Variants in OR1J2 observed in about 807,000 individuals in gnomAD.
OR1J2 encodes olfactory receptor 1J2.
For synonymous variants in OR1J2, 142 were observed against 99.7 expected (o/e 1.42, Z -2.52); for missense variants, 304 against 246.1 (o/e 1.24, Z -1.57).
At chr9:122,493,106 T>C in the OR1J2 span, among the ~76,000 whole-genome samples, 6 of 152,272 alleles carry the variant, frequency 3.9e-5, no homozygotes, top group East Asian at 1.2e-3. Context: ...TTTGGTTCAC[T>C]AGTATTTTGT....
At chr9:122,449,616 G>A in the OR1J2 span, among the ~76,000 whole-genome samples, 41 of 152,162 alleles carry the variant, frequency 2.7e-4, no homozygotes, top group African/African-American at 9.1e-4. Flanking sequence ...TGATCCTTCC[G>A]CCTCGGCCTT....
the OR1J2 span, among the ~76,000 whole-genome samples, chr9:122,499,334 A>G: frequency 6.6e-6 from 1 of 152,354 alleles, no homozygotes; most frequent in South Asian, 2.1e-4. Context: ...CAGGAGAGTA[A>G]GGGCTCAGAT....
chr9:122,536,649 A>T, the OR1J2 span, among the ~76,000 whole-genome samples: 1 of 152,048 alleles, frequency 6.6e-6, no homozygotes, highest in African/African-American at 2.4e-5. Flanking sequence ...CTCTTTTGAG[A>T]TGTAAATATT....
chr9:122,490,789 T>A, the OR1J2 span, among the ~76,000 whole-genome samples: 1 of 152,206 alleles, frequency 6.6e-6, no homozygotes, highest in African/African-American at 2.4e-5. Context: ...AGAAGCCATA[T>A]TGAAGAATTT....
downstream of OR1J2, among the ~76,000 whole-genome samples, chr9:122,515,936 C>T (rs988248823): frequency 1.3e-5 from 2 of 152,162 alleles, no homozygotes; most frequent in Non-Finnish European, 2.9e-5. Context: ...GAATATAAGA[C>T]ACTGAGTTTG....
chr9:122,522,821 G>A, the OR1J2 span, among the ~76,000 whole-genome samples: 5 of 152,328 alleles, frequency 3.3e-5, no homozygotes, highest in African/African-American at 1.2e-4. Flanking sequence ...TATTCTGATA[G>A]TGTAGCAACA....
At chr9:122,471,290 G>T in the OR1J2 span, 3 of 152,188 alleles carry the variant, frequency 2.0e-5, no homozygotes, top group Non-Finnish European at 4.4e-5. Context: ...AGTCTCATGA[G>T]ATCTAATGGT....
chr9:122,490,517 G>C, the OR1J2 span, among the ~76,000 whole-genome samples: 3 of 152,264 alleles, frequency 2.0e-5, no homozygotes, highest in African/African-American at 7.2e-5. Flanking sequence ...ACACAGAACA[G>C]CAAGTAGGCT....
chr9:122,574,565 C>G, the OR1J2 span, among the ~76,000 whole-genome samples: 1 of 152,060 alleles, frequency 6.6e-6, no homozygotes, highest in Non-Finnish European at 1.5e-5. Context: ...GCTGTAATTG[C>G]TTATTAGTTC....
chr9:122,479,699 A>G, the OR1J2 span, among the ~76,000 whole-genome samples: 1 of 152,206 alleles, frequency 6.6e-6, no homozygotes, highest in Non-Finnish European at 1.5e-5. Flanking sequence ...TGGAAATAAT[A>G]CTTCAGGTTA....
chr9:122,450,372 A>C, the OR1J2 span, among the ~76,000 whole-genome samples: 1 of 152,236 alleles, frequency 6.6e-6, no homozygotes, highest in Non-Finnish European at 1.5e-5. Context: ...TGGAGGTTGC[A>C]GTGAGCCAAG....
chr9:122,561,133 G>A, the OR1J2 span, among the ~76,000 whole-genome samples: 1 of 152,086 alleles, frequency 6.6e-6, no homozygotes, highest in Non-Finnish European at 1.5e-5. Context: ...ATTGATACTT[G>A]CGTATGCTTC....
the OR1J2 span, among the ~76,000 whole-genome samples, chr9:122,501,763 G>A: frequency 3.3e-5 from 5 of 152,210 alleles, no homozygotes; most frequent in African/African-American, 1.2e-4. Flanking sequence ...AGTTTAGTTT[G>A]TATTGCTCCA....
the OR1J2 span, among the ~76,000 whole-genome samples, chr9:122,497,058 C>T: frequency 6.6e-6 from 1 of 152,150 alleles, no homozygotes. Flanking sequence ...CTGTACATCC[C>T]GACAGCACTG....
At chr9:122,520,922 CT>C in the OR1J2 span, among the ~76,000 whole-genome samples, 1 of 152,308 alleles carries the variant, frequency 6.6e-6, no homozygotes, top group Non-Finnish European at 1.5e-5. Flanking sequence ...ATATAGGTCT[CT>C]TTTTTCATTC....
At chr9:122,535,105 AAG>A in the OR1J2 span, among the ~76,000 whole-genome samples, 1 of 151,066 alleles carries the variant, frequency 6.6e-6, no homozygotes, top group Non-Finnish European at 1.5e-5. Context: ...GCCTAGAGAA[AAG>A]AGAGAGTAGA....
At chr9:122,566,634 A>T in the OR1J2 span, among the ~76,000 whole-genome samples, 1 of 152,164 alleles carries the variant, frequency 6.6e-6, no homozygotes, top group Admixed American at 6.5e-5. Context: ...GGTTGTTGCC[A>T]TTTTTACCTA....
chr9:122,513,456 G>T (rs1828663372), downstream of OR1J2, among the ~76,000 whole-genome samples: 1 of 152,054 alleles, frequency 6.6e-6, no homozygotes, highest in Non-Finnish European at 1.5e-5. Context: ...GGTGAAAACA[G>T]TCTGGCATTG....
the OR1J2 span, among the ~76,000 whole-genome samples, chr9:122,488,556 C>A: frequency 2.0e-5 from 3 of 152,306 alleles, no homozygotes; most frequent in South Asian, 6.2e-4. Flanking sequence ...ATGGGAAACA[C>A]CTGAATACAT....
Sources: allele counts gnomAD v4.1 joint callset (sites outside exome capture counted in the v4.1 genomes callset), GRCh38; gene constraint gnomAD v4.1.1; transcripts MANE v1.5; gene names NCBI Gene and HGNC (gene_info 2026-07-23, HGNC 2026-07-21).